Variants in DOCK8 observed in about 807,000 individuals in gnomAD.
DOCK8 encodes the protein dedicator of cytokinesis 8.
A neutral mutation model predicts 245.6 loss-of-function variants in DOCK8; 141 were observed. The observed-to-expected ratio is 0.57, with a 90% CI of 0.50 to 0.66. The LOEUF (loss-of-function observed/expected upper bound fraction) is 0.66, where lower values mean the gene tolerates loss of function less well. DOCK8 is among the 30% of genes least tolerant of loss of function. The pLI is 0.00. For synonymous variants in DOCK8, 1,168 were observed against 970.2 expected, an observed-to-expected ratio of 1.20 and a Z score of -3.79; for missense variants, 2,965 against 2,603.4, an observed-to-expected ratio of 1.14 and a Z score of -3.02.
At chr9:421,117 G>T in intron 32 of DOCK8, 39 bp downstream of exon 32, 2 of 1,613,004 alleles carry the variant, frequency 1.2e-6, no homozygotes, top group Non-Finnish European at 1.7e-6. Context: ...CTGTCAAGCA[G>T]TTTTTCACTG....
At chr9:249,848 G>A (rs535026740) in intron 1 of DOCK8, among the ~76,000 whole-genome samples, 138 of 150,822 alleles carry the variant, frequency 9.1e-4, no homozygotes, top group African/African-American at 3.3e-3. Flanking sequence ...GGTTGGTCTC[G>A]AACTCCTGAC....
rs202090128 is a variant in DOCK8 at position 400,773 on chromosome 9, C to T, written c.3234+1514C>T. On this transcript the variant is annotated intron_variant, in intron 26 of 47. Coordinates refer to ENST00000432829, the MANE Select transcript of DOCK8 (RefSeq NM_203447.4). ...TTCACCATCACCACCACCTCCACCACCACCACCACCTCCACCATCACCACC... is the reference window on the plus strand; with the variant it reads ...TTCACCATCACCACCACCTCCACCATCACCACCACCTCCACCATCACCACC... Among the ~76,000 whole-genome samples, 197 of 45,786 alleles carry T rather than the reference C, an allele frequency of 4.3e-3. 1 individual carries two copies. Among genetic ancestry groups the T allele is most frequent in the East Asian group, 0.014 (11 of 782 alleles). 30.0% of individuals were successfully genotyped at this position (45,786 alleles called of 152,430 possible). A position where few individuals can be genotyped will look rare whatever the true frequency, so the allele number is the denominator to read the frequency against.
At chr9:212,805 A>C (rs2046640718), upstream of DOCK8, 1 of 152,196 alleles carries the variant, frequency 6.6e-6, no homozygotes, top group South Asian at 2.1e-4. Flanking sequence ...CTTGATTGCA[A>C]ATGCTGAAAA....
intron 1 of DOCK8, chr9:268,155 A>G (rs561799729): frequency 1.3e-5 from 2 of 152,230 alleles, no homozygotes; most frequent in Non-Finnish European, 2.9e-5. Flanking sequence ...TCTTCAAATG[A>G]TATGAAGCAA....
At chr9:412,309 G>A (rs1358297605) in intron 28 of DOCK8, among the ~76,000 whole-genome samples, 1 of 151,434 alleles carries the variant, frequency 6.6e-6, no homozygotes. Context: ...GGAGGTTGAG[G>A]CTGGAGAATT....
chr9:396,480 T>C (rs564870610), intron 24 of DOCK8, among the ~76,000 whole-genome samples: 2 of 152,314 alleles, frequency 1.3e-5, no homozygotes, highest in South Asian at 4.1e-4. Flanking sequence ...AGGTCTGCCT[T>C]CCAGGATGTA....
Position 441,404 on chromosome 9 carries a change from G to C in DOCK8, c.5342G>C (p.Ser1781Thr), listed in dbSNP as rs771782111. The C allele has an allele frequency of 3.1e-6, 5 of 1,614,194 alleles. No homozygotes were observed. Among genetic ancestry groups the C allele is most frequent in the African/African-American group, 1.3e-5 (1 of 75,050 alleles). Residue 1781 changes from serine to threonine, a missense_variant, in exon 41 of 48, where the codon AGC becomes ACC. Physicochemically the swap from Ser to Thr is moderately conservative, Grantham distance 58. Around this residue, in one of 3 missense-constraint regions of DOCK8, gnomAD observed 2,825 missense variants for 2,453.5 expected, o/e 1.15. Transcript: ENST00000432829. Reference sequence around the variant, plus strand: ...AGCAAGCTGCAGAGAGCCTTCGACAGCATCGTTAACAAGGTAGCCGGGGAG... The same window carrying C: ...AGCAAGCTGCAGAGAGCCTTCGACACCATCGTTAACAAGGTAGCCGGGGAG... ...THSKLQRAFD[S>T]IVNKDHKRMF...
At chr9:306,925 A>G (rs1220846282) in intron 5 of DOCK8, among the ~76,000 whole-genome samples, 1 of 152,100 alleles carries the variant, frequency 6.6e-6, no homozygotes, top group Admixed American at 6.6e-5. Context: ...TCTCAGAGGG[A>G]AAAACCTCAT....
chr9:438,455 G>A (rs1465259037), intron 39 of DOCK8, among the ~76,000 whole-genome samples: 1 of 152,202 alleles, frequency 6.6e-6, no homozygotes, highest in African/African-American at 2.4e-5. Flanking sequence ...ATAGCTGTGA[G>A]CTAGGAAGAA....
chr9:386,557 CCA>C (rs2053964112), intron 23 of DOCK8, 131 bp downstream of exon 23: 1 of 760,136 alleles, frequency 1.3e-6, no homozygotes, highest in Non-Finnish European at 2.2e-6. Flanking sequence ...CACACACACC[CCA>C]CACACACTTT....
Position 394,741 on chromosome 9 carries a change from G to A in DOCK8, c.2971-2044G>A, listed in dbSNP as rs866882568. 2.0e-5 allele frequency among the ~76,000 whole-genome samples: 3 copies of A among 152,282 alleles called. No individual in the cohort carries two copies. In the Middle Eastern group the frequency reaches 0.01, roughly 518 times the overall value. The stretch of plus-strand genomic sequence containing the variant: ...TTAGAGGTACCCTTACTTTAAATGG[G>A]CCACAAAGGCCCATATAGGGGGAAA... On this transcript the variant is annotated intron_variant, in intron 24 of 47. Coordinates refer to ENST00000432829, the MANE Select transcript of DOCK8 (RefSeq NM_203447.4).
intron 28 of DOCK8, among the ~76,000 whole-genome samples, chr9:408,503 C>G (rs952006959): frequency 6.6e-6 from 1 of 152,216 alleles, no homozygotes; most frequent in Non-Finnish European, 1.5e-5. Context: ...GTAGAATGTT[C>G]TACCCTACAA....
chr9:402,335 C>T (rs550854164), intron 26 of DOCK8, among the ~76,000 whole-genome samples: 1 of 152,186 alleles, frequency 6.6e-6, no homozygotes, highest in Non-Finnish European at 1.5e-5. Flanking sequence ...AGTCAAGAAG[C>T]CTGCATGCTG....
At chr9:329,688 A>C (rs749732608) in intron 9 of DOCK8, among the ~76,000 whole-genome samples, 1 of 152,222 alleles carries the variant, frequency 6.6e-6, no homozygotes, top group Non-Finnish European at 1.5e-5. Flanking sequence ...AGGAAACTGA[A>C]GAAGCCAACA....
At chr9:289,731 C>G (rs955311854) in intron 4 of DOCK8, 150 bp downstream of exon 4, 74 of 636,670 alleles carry the variant, frequency 1.2e-4, no homozygotes, top group African/African-American at 1.2e-3. Context: ...TATCCCCACT[C>G]CATATCACAC....
chr9:352,988 A>G (rs1563954557), intron 14 of DOCK8, among the ~76,000 whole-genome samples: 1 of 152,148 alleles, frequency 6.6e-6, no homozygotes, highest in Non-Finnish European at 1.5e-5. Flanking sequence ...CACCCTGTGA[A>G]TAATGTTGAT....
chr9:426,215 C>T (rs12353411), intron 33 of DOCK8, among the ~76,000 whole-genome samples: 12,599 of 152,180 alleles, frequency 0.083, 643 homozygotes, highest in African/African-American at 0.14. Flanking sequence ...AATAGAGGAG[C>T]GAGCACCAGG....
intron 9 of DOCK8, among the ~76,000 whole-genome samples, chr9:328,724 CT>C (rs138574471): frequency 1.1e-3 from 166 of 145,544 alleles, no homozygotes; most frequent in Middle Eastern, 3.5e-3. Context: ...TTTCATCCTC[CT>C]TTTTTTTTTT....
At chr9:329,625 T>C (rs2050917481) in intron 9 of DOCK8, among the ~76,000 whole-genome samples, 1 of 152,162 alleles carries the variant, frequency 6.6e-6, no homozygotes, top group African/African-American at 2.4e-5. Context: ...TACAGGAAAA[T>C]TAAAGCCCAC....
Sources: allele counts gnomAD v4.1 joint callset (sites outside exome capture counted in the v4.1 genomes callset), GRCh38; gene constraint gnomAD v4.1.1; regional missense constraint gnomAD v4.1.1; transcripts MANE v1.5; gene names NCBI Gene and HGNC (gene_info 2026-07-23, HGNC 2026-07-21).